Variants in OXR1 observed in about 807,000 individuals in gnomAD.
OXR1 encodes the protein oxidation resistance 1, also known as oxidation resistance protein 1.
OXR1 carries 41 observed loss-of-function variants against 104.6 expected under a neutral mutation model. The observed-to-expected ratio is 0.39, with a 90% CI of 0.31 to 0.51. The LOEUF (loss-of-function observed/expected upper bound fraction) is 0.51. Among genes scored for constraint, OXR1 ranks in the 20% least tolerant of loss-of-function variants. OXR1 has a pLI of 0.77. For synonymous variants in OXR1, 348 were observed against 348.4 expected (o/e 1.00, Z 0.01); for missense variants, 955 against 1,031.9 (o/e 0.93, Z 1.02).
chr8:106,663,860 G>C (rs1332493873), intron 3 of OXR1, among the ~76,000 whole-genome samples: 1 of 152,164 alleles, frequency 6.6e-6, no homozygotes, highest in African/African-American at 2.4e-5. Context: ...CTTCCATGAA[G>C]CCTGTCTCTG....
At chr8:106,451,204 G>A (rs988161771) in intron 2 of OXR1, among the ~76,000 whole-genome samples, 5 of 152,160 alleles carry the variant, frequency 3.3e-5, no homozygotes, top group African/African-American at 1.2e-4. Flanking sequence ...GAGTTTTCAT[G>A]TTGATACTCT....
chr8:106,598,045 T>C (rs1398300147), intron 3 of OXR1, among the ~76,000 whole-genome samples: 1 of 152,220 alleles, frequency 6.6e-6, no homozygotes, highest in East Asian at 1.9e-4. Context: ...CAAAATCATC[T>C]GAGTCCAGGG....
chr8:106,388,858 A>C (rs1486877603), intron 2 of OXR1, among the ~76,000 whole-genome samples: 1 of 152,198 alleles, frequency 6.6e-6, no homozygotes, highest in Non-Finnish European at 1.5e-5. Flanking sequence ...CTGATAGTAT[A>C]AAATTATTTG....
chr8:106,399,534 T>A (rs1420724038), intron 2 of OXR1, among the ~76,000 whole-genome samples: 1 of 152,138 alleles, frequency 6.6e-6, no homozygotes, highest in African/African-American at 2.4e-5. Context: ...TTAACAAATA[T>A]CATTTGGAAT....
intron 2 of OXR1, among the ~76,000 whole-genome samples, chr8:106,443,228 A>G (rs1819865162): frequency 1.3e-5 from 2 of 152,156 alleles, no homozygotes; most frequent in South Asian, 4.1e-4. Context: ...TGAGTTTCTT[A>G]ATCCTGAGTT....
chr8:106,640,594 TA>T (rs1179183765), intron 3 of OXR1, among the ~76,000 whole-genome samples: 1 of 152,050 alleles, frequency 6.6e-6, no homozygotes, highest in African/African-American at 2.4e-5. Context: ...ATAGAATAAG[TA>T]CATGTATATT....
intron 7 of OXR1, among the ~76,000 whole-genome samples, 154 bp downstream of exon 7, chr8:106,693,031 G>A (rs1388275456): frequency 1.3e-5 from 2 of 152,102 alleles, no homozygotes; most frequent in Non-Finnish European, 2.9e-5. Flanking sequence ...GGTTAGTATG[G>A]ATGTTGCTTA....
chr8:106,399,394 A>G (rs1396411288), intron 2 of OXR1, among the ~76,000 whole-genome samples: 1 of 152,182 alleles, frequency 6.6e-6, no homozygotes, highest in Non-Finnish European at 1.5e-5. Context: ...GGCCAGGAGC[A>G]ATCAAAATAG....
intron 9 of OXR1, among the ~76,000 whole-genome samples, chr8:106,708,182 AG>A (rs1831332346): frequency 6.6e-6 from 1 of 152,028 alleles, no homozygotes; most frequent in Non-Finnish European, 1.5e-5. Flanking sequence ...GCTTGAACCT[AG>A]GAGTTGGAGA....
chr8:106,448,330 C>T (rs976380961), intron 2 of OXR1, among the ~76,000 whole-genome samples: 1 of 152,170 alleles, frequency 6.6e-6, no homozygotes, highest in East Asian at 1.9e-4. Context: ...CTTTCAAAGT[C>T]ATAGTTCTTC....
At chr8:106,303,430 G>C (rs929995748) in intron 1 of OXR1, among the ~76,000 whole-genome samples, 1 of 151,178 alleles carries the variant, frequency 6.6e-6, no homozygotes, top group Non-Finnish European at 1.5e-5. Flanking sequence ...AGTAGAGACG[G>C]GGTTTCACTG....
intron 7 of OXR1, chr8:106,697,349 A>C: frequency 1.9e-6 from 2 of 1,053,634 alleles, no homozygotes; most frequent in Non-Finnish European, 1.4e-6. Flanking sequence ...CTCTCTGGGA[A>C]TGTCACTGCT....
At chr8:106,404,165 C>G (rs1818119197) in intron 2 of OXR1, among the ~76,000 whole-genome samples, 1 of 152,104 alleles carries the variant, frequency 6.6e-6, no homozygotes, top group Non-Finnish European at 1.5e-5. Flanking sequence ...GCTGCTACCA[C>G]TGGGTGTGGA....
intron 1 of OXR1, among the ~76,000 whole-genome samples, chr8:106,312,754 C>T (rs960651912): frequency 6.6e-6 from 1 of 152,158 alleles, no homozygotes; most frequent in Non-Finnish European, 1.5e-5. Context: ...TAAATTAAAA[C>T]CCCAACTTGT....
intron 3 of OXR1, among the ~76,000 whole-genome samples, chr8:106,598,142 C>T (rs905276713): frequency 3.3e-5 from 5 of 152,280 alleles, no homozygotes; most frequent in Middle Eastern, 3.4e-3. Flanking sequence ...GGTCCCCACC[C>T]CTCATCCAAA....
chr8:106,460,921 T>C (rs1375535163), intron 2 of OXR1, among the ~76,000 whole-genome samples: 2 of 151,920 alleles, frequency 1.3e-5, no homozygotes, highest in Non-Finnish European at 2.9e-5. Flanking sequence ...AAAGTGCAAG[T>C]AAGTTAATGG....
At chr8:106,502,984 A>G (rs1031089130) in intron 2 of OXR1, among the ~76,000 whole-genome samples, 1 of 152,182 alleles carries the variant, frequency 6.6e-6, no homozygotes, top group African/African-American at 2.4e-5. Flanking sequence ...TTGCAACCAA[A>G]CTACTTATCT....
chr8:106,746,686 A>T (rs375068713), intron 16 of OXR1, among the ~76,000 whole-genome samples: 13 of 152,154 alleles, frequency 8.5e-5, no homozygotes, highest in African/African-American at 2.9e-4. Flanking sequence ...AGGTGTTTGG[A>T]GGATATAAGT....
At chr8:106,337,993 T>A (rs1177776204) in intron 1 of OXR1, among the ~76,000 whole-genome samples, 1 of 152,188 alleles carries the variant, frequency 6.6e-6, no homozygotes, top group East Asian at 1.9e-4. Flanking sequence ...GCATTCATTG[T>A]TCCGGTTATA....
Sources: gnomAD v4.1 joint callset for allele counts (sites outside exome capture counted in the v4.1 genomes callset) on GRCh38, gnomAD v4.1.1 for gene constraint, MANE v1.5 for transcripts, NCBI Gene and HGNC (gene_info 2026-07-23, HGNC 2026-07-21) for gene names.